DNAJC25: variants seen among roughly 807,000 people sequenced by gnomAD.
DNAJC25 encodes DnaJ heat shock protein family (Hsp40) member C25, also known as dnaJ homolog subfamily C member 25.
A neutral mutation model predicts 42.1 loss-of-function variants in DNAJC25; 26 were observed. That is an observed-to-expected ratio of 0.62 (90% CI 0.45 to 0.86). The LOEUF is 0.86. Ranked by LOEUF, DNAJC25 falls within the 40% of genes least tolerant of loss-of-function variation. The probability of loss-of-function intolerance (pLI) is 0.00; values close to 1 mark genes in which losing one functional copy is unlikely to be tolerated. For synonymous variants in DNAJC25, 189 were observed against 179.9 expected (o/e 1.05, Z -0.40); for missense variants, 404 against 459.4 (o/e 0.88, Z 1.10).
chr9:111,643,693 A>C (rs1830521958), intron 1 of DNAJC25, among the ~76,000 whole-genome samples: 1 of 152,216 alleles, frequency 6.6e-6, no homozygotes, highest in Middle Eastern at 3.4e-3. Context: ...GTGGCATGCA[A>C]AGGAAATTTT....
chr9:111,645,481 C>G (rs1830555889), intron 1 of DNAJC25, among the ~76,000 whole-genome samples: 1 of 152,166 alleles, frequency 6.6e-6, no homozygotes, highest in Non-Finnish European at 1.5e-5. Context: ...TCTCGAACTC[C>G]TGACCTCAAG....
At chr9:111,631,799 G>A (rs1830284967) in intron 1 of DNAJC25, 56 bp downstream of exon 1, 2 of 1,460,666 alleles carry the variant, frequency 1.4e-6, no homozygotes, top group South Asian at 1.3e-5. Flanking sequence ...AGCCCACGGC[G>A]CCTTCCGACC....
At chr9:111,635,772 G>A (rs1200935286) in intron 1 of DNAJC25, among the ~76,000 whole-genome samples, 3 of 152,228 alleles carry the variant, frequency 2.0e-5, no homozygotes, top group East Asian at 1.9e-4. Context: ...GAAAGGATGT[G>A]TAGAGAGGTC....
At chr9:111,638,742 C>G (rs1030282907) in intron 1 of DNAJC25, among the ~76,000 whole-genome samples, 6 of 152,026 alleles carry the variant, frequency 3.9e-5, no homozygotes, top group Non-Finnish European at 7.4e-5. Context: ...CTCCCTCATT[C>G]GACTTTTTGC....
chr9:111,641,062 G>A lies in DNAJC25; in HGVS notation c.337-6045G>A, dbSNP rs1263157059. On this transcript the variant is annotated intron_variant, in intron 1 of 3. Transcript: ENST00000313525. ...CGGGAGGTGAGGGGCGCCTCTGCCCGGCCGCCCCTACTGGGAAGTGAGGAG... is the reference window on the plus strand; with the variant it reads ...CGGGAGGTGAGGGGCGCCTCTGCCCAGCCGCCCCTACTGGGAAGTGAGGAG... Among the ~76,000 whole-genome samples the A allele has an allele frequency of 3.3e-5, 3 of 91,626 alleles. 1 individual carries two copies. The highest frequency in any genetic ancestry group is 1.1e-4 in the African/African-American group (2 of 17,634). 60.1% of individuals were successfully genotyped at this position (91,626 alleles called of 152,430 possible).
Position 111,635,767 on chromosome 9 carries a change from G to A in DNAJC25, c.336+4024G>A, listed in dbSNP as rs143175091. The stretch of plus-strand genomic sequence containing the variant: ...TGAAGGCTATTTGATAAGTTGAAAG[G>A]ATGTGTAGAGAGGTCATTCTACTCC... On this transcript the variant is annotated intron_variant, in intron 1 of 3. Transcript: ENST00000313525. Among the ~76,000 whole-genome samples the A allele has an allele frequency of 9.2e-5, 14 of 152,320 alleles. No individual in the cohort carries two copies. In the East Asian group the frequency reaches 2.7e-3, roughly 29 times the overall value.
intron 1 of DNAJC25, among the ~76,000 whole-genome samples, chr9:111,634,530 T>G (rs533555682): frequency 6.6e-6 from 1 of 152,290 alleles, no homozygotes; most frequent in East Asian, 1.9e-4. Flanking sequence ...TGGCGTTTGC[T>G]AAGAGCAGGT....
At chr9:111,648,935 A>C (rs961346414) in intron 2 of DNAJC25, among the ~76,000 whole-genome samples, 1 of 152,226 alleles carries the variant, frequency 6.6e-6, no homozygotes, top group Admixed American at 6.5e-5. Context: ...TGAGTCTCGC[A>C]TCAGAATAGG....
chr9:111,648,634 G>C (rs2131268727), intron 2 of DNAJC25, among the ~76,000 whole-genome samples: 1 of 152,262 alleles, frequency 6.6e-6, no homozygotes, highest in African/African-American at 2.4e-5. Context: ...AAATGTGTCA[G>C]CATTTGTAGA....
intron 1 of DNAJC25, among the ~76,000 whole-genome samples, chr9:111,640,913 C>T (rs562668008): frequency 2.1e-5 from 2 of 96,962 alleles, no homozygotes; most frequent in Middle Eastern, 6.0e-3. Flanking sequence ...CCCGGCCAGC[C>T]GTGCCGTCCG....
At chr9:111,644,004 A>G (rs1314873804) in intron 1 of DNAJC25, among the ~76,000 whole-genome samples, 1 of 152,178 alleles carries the variant, frequency 6.6e-6, no homozygotes, top group Non-Finnish European at 1.5e-5. Context: ...TGCATGCCTC[A>G]CTGATCATCA....
At position 111,650,029 on chromosome 9, in the gene DNAJC25, C is replaced by G. The variant is rs527966011; in HGVS notation, c.960+106C>G. Reference sequence around the variant, plus strand: ...GAAGTGTGCTCACATTTCTGAAATCCTAGAGTTAAACAATTAGTAAAGACC... The same window carrying G: ...GAAGTGTGCTCACATTTCTGAAATCGTAGAGTTAAACAATTAGTAAAGACC... On this transcript the variant is annotated intron_variant, in intron 3 of 3. Coordinates refer to ENST00000313525, the MANE Select transcript of DNAJC25 (RefSeq NM_001015882.3). The G allele has an allele frequency of 3.0e-5, 33 of 1,087,420 alleles. No individual in the cohort carries two copies. In the East Asian group the frequency reaches 7.5e-4, roughly 25 times the overall value. The allele number at this position is 1,087,420 out of a possible 1,614,324, so 67.4% of individuals were successfully genotyped here.
Position 111,649,937 on chromosome 9 carries a change from C to T in DNAJC25, c.960+14C>T, listed in dbSNP as rs764649497. On this transcript the variant is annotated intron_variant, in intron 3 of 3. Transcript: ENST00000313525. ...GAGAATTATGAGGTGAGTAGTCACC[C>T]TGCTGTGATTTAAGTGTCATCCACC... is the stretch of plus-strand genomic sequence containing the variant. The T allele has an allele frequency of 4.6e-6, 7 of 1,538,188 alleles. No homozygotes were observed. In the Admixed American group the frequency reaches 1.1e-4, roughly 24 times the overall value.
At chr9:111,631,811 C>T (rs1830285642) in intron 1 of DNAJC25, 68 bp downstream of exon 1, 4 of 1,448,674 alleles carry the variant, frequency 2.8e-6, no homozygotes, top group Non-Finnish European at 1.8e-6. Context: ...CTTCCGACCC[C>T]GGTCCGCGGA....
chr9:111,644,886 T>C (rs770230030), intron 1 of DNAJC25, among the ~76,000 whole-genome samples: 17 of 152,224 alleles, frequency 1.1e-4, no homozygotes, highest in Non-Finnish European at 2.5e-4. Context: ...ACACAGGCTT[T>C]AGTCTTCAGC....
intron 1 of DNAJC25, among the ~76,000 whole-genome samples, chr9:111,641,216 G>A (rs1830455602): frequency 1.4e-5 from 2 of 143,846 alleles, no homozygotes; most frequent in African/African-American, 2.6e-5. Context: ...GCCCCGTCCG[G>A]GAGGGAGGTG....
intron 1 of DNAJC25, among the ~76,000 whole-genome samples, chr9:111,639,228 T>C (rs1332014005): frequency 1.3e-5 from 2 of 152,206 alleles, no homozygotes; most frequent in East Asian, 3.8e-4. Context: ...TATTCTCTTT[T>C]TGTGCTCAAT....
intron 2 of DNAJC25, among the ~76,000 whole-genome samples, chr9:111,648,989 ATGGGAATGAATGTAGT>A (rs1438410077): frequency 6.6e-5 from 10 of 152,198 alleles, no homozygotes; most frequent in Admixed American, 5.9e-4. Context: ...AGGAAAAGAG[ATGGGAATGAATGTAGT>A]TGCCTGAGTC....
Position 111,649,928 on chromosome 9 carries a change from G to A in DNAJC25, c.960+5G>A. ...TGGATCAAGGAGAATTATGAGGTGA[G>A]TAGTCACCCTGCTGTGATTTAAGTG... On this transcript the variant is annotated splice_donor_5th_base_variant and intron_variant, in intron 3 of 3. Transcript: ENST00000313525. The A allele has an allele frequency of 1.3e-6, 2 of 1,552,148 alleles. No homozygotes were observed. Among genetic ancestry groups the A allele is most frequent in the Non-Finnish European group, 1.7e-6 (2 of 1,156,506 alleles).
Sources: allele counts gnomAD v4.1 joint callset (sites outside exome capture counted in the v4.1 genomes callset), GRCh38; gene constraint gnomAD v4.1.1; transcripts MANE v1.5; gene names NCBI Gene and HGNC (gene_info 2026-07-23, HGNC 2026-07-21).